CALB2: variants seen among roughly 807,000 people sequenced by gnomAD.
CALB2 encodes calretinin.
In CALB2, 34 loss-of-function variants were observed where a neutral mutation model predicts 45.9. That is an observed-to-expected ratio of 0.74 (90% CI 0.56 to 0.99). The LOEUF (loss-of-function observed/expected upper bound fraction) is 0.99. Ranked by LOEUF, CALB2 falls within the 50% of genes least tolerant of loss-of-function variation. The pLI is 0.00. For missense variants in CALB2, 344 were observed against 339.3 expected, an observed-to-expected ratio of 1.01 and a Z score of -0.11; for synonymous variants, 142 against 129.6, an observed-to-expected ratio of 1.10 and a Z score of -0.65.
intron 4 of CALB2, among the ~76,000 whole-genome samples, chr16:71,380,404 G>A (rs1363485655): frequency 7.3e-6 from 1 of 136,518 alleles, no homozygotes; most frequent in South Asian, 2.5e-4. Context: ...CGCCTCCCGG[G>A]TTCAAGCGAT....
intron 10 of CALB2, 65 bp downstream of exon 10, chr16:71,385,713 G>A: frequency 1.5e-6 from 2 of 1,328,808 alleles, no homozygotes; most frequent in Non-Finnish European, 2.1e-6. Flanking sequence ...CTGCAGGAGA[G>A]GAGGGGAAAG....
intron 1 of CALB2, among the ~76,000 whole-genome samples, chr16:71,362,051 G>T (rs144030026): frequency 9.3e-4 from 141 of 152,294 alleles, no homozygotes; most frequent in African/African-American, 3.3e-3. Flanking sequence ...AGTGACCCTG[G>T]TGGGGTCTAG....
rs75064487 is a variant in CALB2 at position 71,375,324 on chromosome 16, G to A, written c.261+490G>A. Among the ~76,000 whole-genome samples, 132 of 152,030 alleles carry A rather than the reference G, an allele frequency of 8.7e-4. 2 individuals are homozygous for A. In the East Asian group the frequency reaches 0.021, roughly 24 times the overall value. On this transcript the variant is annotated intron_variant, in intron 3 of 10. Coordinates refer to ENST00000302628, the MANE Select transcript of CALB2 (RefSeq NM_001740.5). ...CATATATACATTCATATATGCACAC[G>A]TATATACACATACACACATACACTC...
rs571464408 is a variant in CALB2 at position 71,384,042 on chromosome 16, C to T, written c.533+17C>T. The T allele has an allele frequency of 3.7e-6, 6 of 1,613,004 alleles. No homozygotes were observed. The highest frequency in any genetic ancestry group is 2.2e-5 in the East Asian group (1 of 44,864). Reference sequence around the variant, plus strand: ...GATGTCCCGGTAAGCACCTCACCCCCGGGGTCACTGATACTGGCTCCCACA... The same window carrying T: ...GATGTCCCGGTAAGCACCTCACCCCTGGGGTCACTGATACTGGCTCCCACA... On this transcript the variant is annotated intron_variant, in intron 7 of 10. Transcript: ENST00000302628.
At chr16:71,373,710 T>C (rs2042379406) in intron 2 of CALB2, among the ~76,000 whole-genome samples, 2 of 152,184 alleles carry the variant, frequency 1.3e-5, no homozygotes, top group African/African-American at 4.8e-5. Flanking sequence ...AGAGAAGTCA[T>C]CTCGGCCTCC....
At chr16:71,375,592 G>A (rs2042401543) in intron 3 of CALB2, among the ~76,000 whole-genome samples, 1 of 152,180 alleles carries the variant, frequency 6.6e-6, no homozygotes, top group East Asian at 1.9e-4. Flanking sequence ...AGGCATTAGG[G>A]CACAGCTCCA....
At chr16:71,385,541 T>A in intron 9 of CALB2, 36 bp from the exon 10 acceptor site, 1 of 1,600,384 alleles carries the variant, frequency 6.2e-7, no homozygotes, top group South Asian at 1.1e-5. Context: ...GGGCCCAGGC[T>A]TTAGAGCTCT....
At chr16:71,385,679 G>A (rs753642412) in intron 10 of CALB2, 31 bp downstream of exon 10, 1 of 1,599,112 alleles carries the variant, frequency 6.3e-7, no homozygotes, top group Non-Finnish European at 8.6e-7. Context: ...CCCGGCCACT[G>A]TCCCCAGGGC....
Position 71,385,558 on chromosome 16 carries a change from A to G in CALB2, c.628-19A>G. ...GCCCAGGCTTTAGAGCTCTGGGTTG[A>G]CTCTGCTCCCATCCCCAGGATAGAA... is the stretch of plus-strand genomic sequence containing the variant. On this transcript the variant is annotated intron_variant, in intron 9 of 10. Coordinates refer to ENST00000302628, the MANE Select transcript of CALB2 (RefSeq NM_001740.5). 1.2e-6 allele frequency: 2 copies of G among 1,613,314 alleles called. No homozygotes were observed. The highest frequency in any genetic ancestry group is 1.7e-6 in the Non-Finnish European group (2 of 1,179,380).
At chr16:71,376,330 G>A (rs905005925) in intron 3 of CALB2, among the ~76,000 whole-genome samples, 1 of 152,214 alleles carries the variant, frequency 6.6e-6, no homozygotes, top group African/African-American at 2.4e-5. Context: ...AGAAAGGCCA[G>A]GGTTAGGGTT....
chr16:71,371,142 G>T (rs1354152214), intron 1 of CALB2, among the ~76,000 whole-genome samples: 1 of 152,180 alleles, frequency 6.6e-6, no homozygotes, highest in Non-Finnish European at 1.5e-5. Context: ...GATGAGATGG[G>T]TTCAATAACT....
At chr16:71,382,888 C>A in intron 5 of CALB2, 113 bp downstream of exon 5, 2 of 897,632 alleles carry the variant, frequency 2.2e-6, no homozygotes, top group Non-Finnish European at 3.5e-6. Context: ...CTTAGGAATA[C>A]TCAGACCTGG....
Position 71,374,764 on chromosome 16 carries a change from T to C in CALB2, c.191T>C (p.Phe64Ser), listed in dbSNP as rs556576170. 1 of 1,612,672 alleles carries C rather than the reference T, an allele frequency of 6.2e-7. No individual in the cohort carries two copies. The highest frequency in any genetic ancestry group is 1.7e-5 in the Admixed American group (1 of 59,986). The change falls in exon 3 of 11, where the codon TTT becomes TCT. Residue 64 changes from phenylalanine (F) to serine (S), a missense_variant. Physicochemically the swap from Phe to Ser is radical, Grantham distance 155. This residue lies in a region of CALB2 where 77 missense variants were observed against 80.5 expected (regional missense o/e 0.96). Transcript: ENST00000302628. ...CCACAGATGTCAAAGAGTGACAACT[T>C]TGGAGAAAAGATGAAGGAGTTCATG... ...GSGMMSKSDN[F>S]GEKMKEFMQK...
chr16:71,361,400 C>T (rs1201862265), intron 1 of CALB2, among the ~76,000 whole-genome samples: 4 of 152,338 alleles, frequency 2.6e-5, no homozygotes, highest in African/African-American at 9.6e-5. Flanking sequence ...AGCCCAACAC[C>T]GCAGTGCCTG....
intron 4 of CALB2, among the ~76,000 whole-genome samples, chr16:71,378,111 CT>C (rs2042439552): frequency 6.6e-6 from 1 of 152,056 alleles, no homozygotes; most frequent in South Asian, 2.1e-4. Flanking sequence ...GTAATCCCAG[CT>C]ATTCGGGAAG....
intron 1 of CALB2, among the ~76,000 whole-genome samples, chr16:71,368,128 C>A (rs556932504): frequency 6.6e-6 from 1 of 152,176 alleles, no homozygotes; most frequent in African/African-American, 2.4e-5. Context: ...TTATCTGTCC[C>A]CTGCCCCACC....
chr16:71,372,497 A>T (rs985741807), intron 2 of CALB2, among the ~76,000 whole-genome samples: 1 of 152,156 alleles, frequency 6.6e-6, no homozygotes, highest in African/African-American at 2.4e-5. Flanking sequence ...GCGTATGCGT[A>T]TATTAATATA....
chr16:71,364,290 A>AGGGCAGCTACCAGCC (rs201514630), intron 1 of CALB2, among the ~76,000 whole-genome samples: 4,396 of 152,182 alleles, frequency 0.029, 223 homozygotes, highest in African/African-American at 0.1. Context: ...CTTGATATTG[A>AGGGCAGCTACCAGCC]CAGCCAGGCC....
At chr16:71,384,650 GACCACACACCACACACACA>G in intron 8 of CALB2, 114 bp from the exon 9 acceptor site, 1 of 9,278 alleles carries the variant, frequency 1.1e-4, no homozygotes, top group Non-Finnish European at 1.9e-4. Flanking sequence ...ACACCACACA[GACCACACACCACACACACA>G]ACACACACAT....
Sources: allele counts gnomAD v4.1 joint callset (sites outside exome capture counted in the v4.1 genomes callset), GRCh38; gene constraint gnomAD v4.1.1; regional missense constraint gnomAD v4.1.1; transcripts MANE v1.5; gene names NCBI Gene and HGNC (gene_info 2026-07-23, HGNC 2026-07-21).